CCDC187: variants seen among roughly 807,000 people sequenced by gnomAD.
CCDC187 encodes the protein coiled-coil domain containing 187, also known as coiled-coil domain-containing protein 187.
A neutral mutation model predicts 38.0 loss-of-function variants in CCDC187; 32 were observed. That is an observed-to-expected ratio of 0.84 (90% CI 0.64 to 1.13). The LOEUF is 1.13. Among genes scored for constraint, CCDC187 ranks in the 50% most tolerant of loss-of-function variants. CCDC187 has a pLI of 0.00. For synonymous variants in CCDC187, 333 were observed against 347.9 expected (o/e 0.96, Z 0.48); for missense variants, 707 against 786.8 (o/e 0.90, Z 1.21).
Position 136,258,789 on chromosome 9 carries a change from C to G in CCDC187, c.4366+143G>C, listed in dbSNP as rs1032816370. The G allele has an allele frequency of 1.3e-5, 13 of 985,372 alleles. No individual in the cohort carries two copies. Among genetic ancestry groups the G allele is most frequent in the Non-Finnish European group, 1.4e-5 (12 of 829,980 alleles). The allele number at this position is 985,372 out of a possible 1,614,324, so 61.0% of individuals were successfully genotyped here. ...TTCTTGCAGTGAAGGGGTCTGAGGC[C>G]AGGGTGGGGGGCCACCAGGGCCCAT... On this transcript the variant is annotated intron_variant, in intron 22 of 25. Coordinates refer to ENST00000638797, the MANE Select transcript of CCDC187 (RefSeq NM_001378188.1). The surrounding 1 kb of genome is among the most constrained non-coding windows in gnomAD (Gnocchi z 4.3).
intron 9 of CCDC187, among the ~76,000 whole-genome samples, chr9:136,282,069 G>A (rs1052165847): frequency 0.12 from 17,653 of 152,226 alleles, 1,377 homozygotes; most frequent in Admixed American, 0.2. Context: ...TGGTCCCCAG[G>A]GCCAAGATCA....
chr9:136,279,685 T>C (rs939315148), intron 10 of CCDC187, among the ~76,000 whole-genome samples: 20,026 of 152,278 alleles, frequency 0.13, 1,514 homozygotes, highest in Admixed American at 0.2. Flanking sequence ...ACCCGGGCAC[T>C]CTGGGAAGCT....
chr9:136,264,274 C>T lies in CCDC187; in HGVS notation c.3736-476G>A, dbSNP rs1045652181. The T allele has an allele frequency of 1.3e-5, 2 of 152,474 alleles. No individual in the cohort carries two copies. Among genetic ancestry groups the T allele is most frequent in the African/African-American group, 2.4e-5 (1 of 41,466 alleles). 9.4% of individuals were successfully genotyped at this position (152,474 alleles called of 1,614,324 possible). ...TCACTGGTGAGACGGGAAAGCGAGG[C>T]TCTGCCAAGCGGGTGTCTGGTCCAT... is the stretch of plus-strand genomic sequence containing the variant. On this transcript the variant is annotated intron_variant, in intron 17 of 25. Transcript: ENST00000638797. The surrounding 1 kb of genome is among the most constrained non-coding windows in gnomAD (Gnocchi z 4.3).
chr9:136,253,652 T>A lies in CCDC187; in HGVS notation c.6176A>T (p.Glu2059Val). The A allele has an allele frequency of 1.0e-6, 1 of 985,478 alleles. No individual in the cohort carries two copies. The highest frequency in any genetic ancestry group is 1.2e-6 in the Non-Finnish European group (1 of 829,974). The allele number at this position is 985,478 out of a possible 1,614,324, so 61.0% of individuals were successfully genotyped here. The change falls in exon 26 of 26, where the codon GAG becomes GTG. Residue 2059 changes from glutamate to valine, a missense_variant. Coordinates refer to ENST00000638797, the MANE Select transcript of CCDC187 (RefSeq NM_001378188.1). ...AAACAGTCCCTCCGGCAGACTCTCC[T>A]CAGACAAGGAGGACAAATCCTGGGT... ...ITTQDLSSLS[E>V]ESLPEGLFPG...
At chr9:136,306,679 CA>C (rs1361395516), upstream of CCDC187, 2 of 152,688 alleles carry the variant, frequency 1.3e-5, no homozygotes, top group African/African-American at 4.8e-5. Context: ...AGCTGTCCTA[CA>C]CCTTCCATGT....
intron 4 of CCDC187, chr9:136,296,467 G>A (rs1831537212): frequency 6.6e-6 from 1 of 152,286 alleles, no homozygotes; most frequent in East Asian, 1.9e-4. Context: ...GGACGGGTGG[G>A]AGGCTCTGCC....
At position 136,290,796 on chromosome 9, in the gene CCDC187, C is replaced by A. The variant is rs981743023; in HGVS notation, c.1817G>T (p.Gly606Val). 9.0e-4 allele frequency: 357 copies of A among 398,574 alleles called. No homozygotes were observed. Among genetic ancestry groups the A allele is most frequent in the African/African-American group, 5.4e-3 (263 of 48,762 alleles). 24.7% of individuals were successfully genotyped at this position (398,574 alleles called of 1,614,324 possible). A position where few individuals can be genotyped will look rare whatever the true frequency, so the allele number is the denominator to read the frequency against. Residue 606 changes from glycine (G) to valine (V), a missense_variant, in exon 6 of 26, where the codon GGG becomes GTG. Gly to Val is a moderately radical substitution (Grantham distance 109). Coordinates refer to ENST00000638797, the MANE Select transcript of CCDC187 (RefSeq NM_001378188.1). ...AAKHALPRPTGSFPQNPLGKE... is the reference protein window; with the variant it reads ...AAKHALPRPTVSFPQNPLGKE... ...CCCAAGTGGGTTCTGAGGGAAGCTC[C>A]CGGTGGGCCTTGGCAGGGCATGCTT...
intron 4 of CCDC187, among the ~76,000 whole-genome samples, chr9:136,293,447 A>ACT (rs1831422696): frequency 1.5e-5 from 1 of 65,816 alleles, no homozygotes; most frequent in Admixed American, 1.7e-4. Flanking sequence ...ACACACTCAC[A>ACT]CATGCTCACA....
In CCDC187 at chr9:136,263,675, G is replaced by GC; in HGVS notation, c.3858dup (p.Pro1287AlafsTer73). 3.0e-6 allele frequency: 3 copies of GC among 985,442 alleles called. No homozygotes were observed. The highest frequency in any genetic ancestry group is 3.6e-6 in the Non-Finnish European group (3 of 829,912). 61.0% of individuals were successfully genotyped at this position (985,442 alleles called of 1,614,324 possible). On this transcript the variant is annotated frameshift_variant, in exon 18 of 26. Transcript: ENST00000638797. LOFTEE classifies it high-confidence loss of function. ...TCGTGCGCTGGGACGACGTCCGTGG[G>GC]CCCCGGGATGGGGAGGATGTCCACA...
At chr9:136,271,042 C>T (rs1830831372) in intron 14 of CCDC187, among the ~76,000 whole-genome samples, 2 of 152,068 alleles carry the variant, frequency 1.3e-5, no homozygotes, top group Admixed American at 6.5e-5. Context: ...TATACTGAAA[C>T]AGTTTGTGCC....
In CCDC187 at chr9:136,286,549, G is replaced by T; in HGVS notation, c.2369C>A (p.Thr790Asn). 2.5e-6 allele frequency: 1 copy of T among 398,724 alleles called. No homozygotes were observed. 24.7% of individuals were successfully genotyped at this position (398,724 alleles called of 1,614,324 possible). ...GCACATCCCCCGGGGTAGGTAGCGG[G>T]TGGTCAGGTCCTGGAGCTCCAGGGA... ...LGSLELQDLT[T>N]RYLPRGMCIY... The change falls in exon 8 of 26, where the codon ACC (threonine) becomes AAC (asparagine). Residue 790 changes from threonine to asparagine, a missense_variant. By Grantham distance (65) the Thr-to-Asn change is moderately conservative. Coordinates refer to ENST00000638797, the MANE Select transcript of CCDC187 (RefSeq NM_001378188.1).
At position 136,258,794 on chromosome 9, in the gene CCDC187, TGG is replaced by T. The variant is rs1431795935; in HGVS notation, c.4366+136_4366+137del. ...GCAGTGAAGGGGTCTGAGGCCAGGG[TGG>T]GGGGCCACCAGGGCCCATCTTCTTT... On this transcript the variant is annotated intron_variant, in intron 22 of 25. Transcript: ENST00000638797. The surrounding 1 kb of genome is among the most constrained non-coding windows in gnomAD (Gnocchi z 4.3). 6.1e-6 allele frequency: 6 copies of T among 985,086 alleles called. No individual in the cohort carries two copies. In the South Asian group the frequency reaches 2.8e-4, roughly 46 times the overall value. 61.0% of individuals were successfully genotyped at this position (985,086 alleles called of 1,614,324 possible). A position where few individuals can be genotyped will look rare whatever the true frequency, so the allele number is the denominator to read the frequency against.
At chr9:136,269,343 G>A (rs748014620) in intron 14 of CCDC187, among the ~76,000 whole-genome samples, 11 of 152,222 alleles carry the variant, frequency 7.2e-5, no homozygotes, top group Admixed American at 2.6e-4. Flanking sequence ...CTGCAGTCCC[G>A]AAGAAAGCTT....
At chr9:136,273,391 G>A (rs1313089747) in intron 14 of CCDC187, among the ~76,000 whole-genome samples, 1 of 152,210 alleles carries the variant, frequency 6.6e-6, no homozygotes, top group Non-Finnish European at 1.5e-5. Flanking sequence ...AGACAAAATA[G>A]CCTCTGAAGC....
chr9:136,287,443 C>CA (rs1211521914), intron 7 of CCDC187, among the ~76,000 whole-genome samples: 1 of 152,180 alleles, frequency 6.6e-6, no homozygotes, highest in Non-Finnish European at 1.5e-5. Flanking sequence ...CGCAACTGGA[C>CA]AATGAGACGC....
rs185584698 is a variant in CCDC187, at chr9:136,273,140, T to C, written c.3442+1518A>G. On this transcript the variant is annotated intron_variant, in intron 14 of 25. Transcript: ENST00000638797. ...AAGGACAGACAGAACAAAAGAAAAATAACCAGGTGAGACTCAAACCTAACC... is the reference window on the plus strand; with the variant it reads ...AAGGACAGACAGAACAAAAGAAAAACAACCAGGTGAGACTCAAACCTAACC... Among the ~76,000 whole-genome samples the C allele has an allele frequency of 1.8e-3, 281 of 152,010 alleles. 3 individuals carry two copies. Among genetic ancestry groups the C allele is most frequent in the African/African-American group, 6.7e-3 (276 of 41,422 alleles).
In CCDC187 at chr9:136,258,132, G is replaced by A. The variant is rs1340416162; in HGVS notation, c.4366+800C>T. Among the ~76,000 whole-genome samples, 7 of 152,062 alleles carry A rather than the reference G, an allele frequency of 4.6e-5. No homozygotes were observed. The highest frequency in any genetic ancestry group is 1.9e-4 in the East Asian group (1 of 5,188). On this transcript the variant is annotated intron_variant, in intron 22 of 25. Transcript: ENST00000638797. This position sits in a 1 kb window ranked among gnomAD's most constrained non-coding sequence, Gnocchi z 4.3. ...AACAGCGCAGGCCCGGAGGTGACGC[G>A]GGACACAGAGGGAAAGCGCTCTGTA... is the stretch of plus-strand genomic sequence containing the variant.
At chr9:136,304,531 G>T (rs1831768068), upstream of CCDC187, among the ~76,000 whole-genome samples, 2 of 152,226 alleles carry the variant, frequency 1.3e-5, 1 homozygote, top group South Asian at 4.1e-4. Flanking sequence ...AGAGATGCCA[G>T]GTGCTGCCCC....
chr9:136,306,580 C>T (rs1421715422), upstream of CCDC187, among the ~76,000 whole-genome samples: 3 of 152,194 alleles, frequency 2.0e-5, no homozygotes, highest in Non-Finnish European at 2.9e-5. Context: ...CAGAGAAAAA[C>T]AGGTGCTACT....
Sources: allele counts gnomAD v4.1 joint callset (sites outside exome capture counted in the v4.1 genomes callset), GRCh38; gene constraint gnomAD v4.1.1; non-coding constraint Gnocchi (gnomAD v3.1); transcripts MANE v1.5; gene names NCBI Gene and HGNC (gene_info 2026-07-23, HGNC 2026-07-21).